Variants in CCDC171 observed in about 807,000 individuals in gnomAD.
The protein encoded by CCDC171 is coiled-coil domain containing 171.
CCDC171 carries 177 observed loss-of-function variants against 168.2 expected under a neutral mutation model. The ratio of observed to expected loss-of-function variants is 1.05; its 90% CI spans 0.93 to 1.19. The LOEUF is 1.19. CCDC171 is among the 50% of genes most tolerant of loss of function. The pLI is 0.00. For synonymous variants in CCDC171, 687 were observed against 540.8 expected (o/e 1.27, Z -3.75); for missense variants, 1,991 against 1,539.0 (o/e 1.29, Z -4.91).
chr9:15,751,257 C>T (rs1288571345), intron 18 of CCDC171, among the ~76,000 whole-genome samples: 1 of 152,154 alleles, frequency 6.6e-6, no homozygotes, highest in African/African-American at 2.4e-5. Flanking sequence ...GAACTACAAA[C>T]CACTGCTCAA....
intron 21 of CCDC171, among the ~76,000 whole-genome samples, chr9:15,823,789 A>G (rs185370826): frequency 6.4e-4 from 97 of 152,272 alleles, no homozygotes; most frequent in African/African-American, 2.3e-3. Flanking sequence ...TGAAAAAAAT[A>G]AAATGCTTTA....
chr9:15,938,763 C>G (rs1827380339), intron 25 of CCDC171, among the ~76,000 whole-genome samples: 1 of 151,752 alleles, frequency 6.6e-6, no homozygotes, highest in South Asian at 2.1e-4. Flanking sequence ...CCATGTTTGC[C>G]TGACACCAAC....
At chr9:15,824,294 A>G (rs190601272) in intron 21 of CCDC171, among the ~76,000 whole-genome samples, 10 of 152,100 alleles carry the variant, frequency 6.6e-5, no homozygotes, top group African/African-American at 2.4e-4. Context: ...AATAAAATTT[A>G]TATACTACAC....
At chr9:15,949,838 C>G (rs868054971) in intron 25 of CCDC171, among the ~76,000 whole-genome samples, 42 of 152,124 alleles carry the variant, frequency 2.8e-4, no homozygotes, top group South Asian at 2.1e-3. Context: ...ACTTCTAACA[C>G]TATGTTGAAT....
At chr9:15,825,215 C>T (rs1428610071) in intron 21 of CCDC171, among the ~76,000 whole-genome samples, 1 of 152,044 alleles carries the variant, frequency 6.6e-6, no homozygotes, top group South Asian at 2.1e-4. Context: ...GCTATAGTCT[C>T]CTGCATTAAA....
intron 2 of CCDC171, among the ~76,000 whole-genome samples, chr9:15,565,336 A>G (rs1469502851): frequency 6.6e-6 from 1 of 152,088 alleles, no homozygotes; most frequent in Non-Finnish European, 1.5e-5. Context: ...ACTTCTTACC[A>G]CATCAATGTA....
intron 6 of CCDC171, among the ~76,000 whole-genome samples, chr9:16,033,863 T>C (rs540476311): frequency 4.2e-4 from 64 of 152,182 alleles, no homozygotes; most frequent in African/African-American, 1.5e-3. Context: ...TATGCTAAGA[T>C]CGGGTGGCAG....
At chr9:15,666,851 C>T (rs936962154) in intron 9 of CCDC171, among the ~76,000 whole-genome samples, 1 of 152,154 alleles carries the variant, frequency 6.6e-6, no homozygotes, top group Admixed American at 6.5e-5. Flanking sequence ...TAATATTTGA[C>T]ATTTTCTCAA....
At chr9:15,834,053 C>A (rs2060341699) in intron 21 of CCDC171, among the ~76,000 whole-genome samples, 1 of 152,070 alleles carries the variant, frequency 6.6e-6, no homozygotes, top group Non-Finnish European at 1.5e-5. Flanking sequence ...TATGAAAATA[C>A]TTGTTGTTTC....
chr9:15,753,209 G>T (rs1384826656), intron 18 of CCDC171, among the ~76,000 whole-genome samples: 1 of 152,088 alleles, frequency 6.6e-6, no homozygotes, highest in African/African-American at 2.4e-5. Flanking sequence ...CTCATTGTGG[G>T]CTTATGAGTA....
At chr9:15,674,073 C>T (rs2049330827) in intron 9 of CCDC171, among the ~76,000 whole-genome samples, 1 of 152,072 alleles carries the variant, frequency 6.6e-6, no homozygotes. Flanking sequence ...CTGGTTTAGT[C>T]TTGGGAGGGT....
At chr9:15,621,443 C>G (rs2044497371) in intron 6 of CCDC171, among the ~76,000 whole-genome samples, 1 of 152,116 alleles carries the variant, frequency 6.6e-6, no homozygotes, top group South Asian at 2.1e-4. Context: ...TGGAACTGAA[C>G]CAGCCATATC....
intron 3 of CCDC171, among the ~76,000 whole-genome samples, chr9:16,011,662 C>T (rs75624384): frequency 6.6e-6 from 1 of 152,062 alleles, no homozygotes; most frequent in African/African-American, 2.4e-5. Context: ...TTTGTCTGTC[C>T]ATACAGTCAT....
chr9:15,624,713 T>A (rs10810409), intron 7 of CCDC171, among the ~76,000 whole-genome samples: 4 of 150,462 alleles, frequency 2.7e-5, no homozygotes, highest in African/African-American at 1.0e-4. Flanking sequence ...AGTCTATCAT[T>A]GTTGGACATT....
In CCDC171 at chr9:15,657,244, C is replaced by T. The variant is rs774261763; in HGVS notation, c.915+25C>T. On this transcript the variant is annotated intron_variant, in intron 8 of 25. Coordinates refer to ENST00000380701, the MANE Select transcript of CCDC171 (RefSeq NM_173550.4). ...GGTAAAATGTAAACAAATATTTTGGCCTGCATTTTCTTAATTTGTGTTATA... is the reference window on the plus strand; with the variant it reads ...GGTAAAATGTAAACAAATATTTTGGTCTGCATTTTCTTAATTTGTGTTATA... The T allele has an allele frequency of 1.8e-5, 26 of 1,441,428 alleles. No homozygotes were observed. In the African/African-American group the frequency reaches 2.8e-4, roughly 16 times the overall value. 89.3% of individuals were successfully genotyped at this position (1,441,428 alleles called of 1,614,324 possible).
chr9:15,700,504 G>C (rs1468655746), intron 11 of CCDC171, among the ~76,000 whole-genome samples: 1 of 152,258 alleles, frequency 6.6e-6, no homozygotes, highest in Non-Finnish European at 1.5e-5. Flanking sequence ...GCAGCGGTGG[G>C]CTGAAGGGCT....
At position 15,744,369 on chromosome 9, in the gene CCDC171, C is replaced by T. The variant is rs745393984; in HGVS notation, c.2146C>T (p.Leu716=). The T allele has an allele frequency of 1.2e-6, 2 of 1,614,136 alleles. No individual in the cohort carries two copies. The highest frequency in any genetic ancestry group is 2.2e-5 in the East Asian group (1 of 44,882). ...LVLENSHFKK[L]LSQTQREQMS... ...TCTTGAAAATTCGCACTTCAAAAAACTGTTATCACAGACTCAAAGGGAACA... is the reference window on the plus strand; with the variant it reads ...TCTTGAAAATTCGCACTTCAAAAAATTGTTATCACAGACTCAAAGGGAACA... Residue 716 remains leucine, a synonymous_variant, in exon 17 of 26, where the codon CTG becomes TTG. Transcript: ENST00000380701.
intron 11 of CCDC171, among the ~76,000 whole-genome samples, chr9:15,718,044 T>C (rs1191714302): frequency 6.6e-6 from 1 of 152,272 alleles, no homozygotes; most frequent in Non-Finnish European, 1.5e-5. Flanking sequence ...GGTCCTTGAT[T>C]CCAGGCCTTG....
At chr9:15,822,285 T>A (rs1388497012) in intron 21 of CCDC171, among the ~76,000 whole-genome samples, 1 of 152,094 alleles carries the variant, frequency 6.6e-6, no homozygotes, top group Non-Finnish European at 1.5e-5. Context: ...AAGGATTTCA[T>A]GTCTAAAACA....
Sources: gnomAD v4.1 joint callset for allele counts (sites outside exome capture counted in the v4.1 genomes callset) on GRCh38, gnomAD v4.1.1 for gene constraint, MANE v1.5 for transcripts, NCBI Gene and HGNC (gene_info 2026-07-23, HGNC 2026-07-21) for gene names.